Variants in ASIC2 observed in about 807,000 individuals in gnomAD.
ASIC2 encodes acid sensing ion channel subunit 2.
In ASIC2, 25 loss-of-function variants were observed where a neutral mutation model predicts 57.3. The ratio of observed to expected loss-of-function variants is 0.44; its 90% confidence interval spans 0.32 to 0.61. The LOEUF is 0.61. ASIC2 is among the 20% of genes least tolerant of loss of function. ASIC2 has a pLI of 0.06. For synonymous variants in ASIC2, 319 were observed against 307.5 expected (o/e 1.04, Z -0.39); for missense variants, 641 against 738.1 (o/e 0.87, Z 1.52).
chr17:33,371,400 A>G (rs1042192738), intron 1 of ASIC2, among the ~76,000 whole-genome samples: 1 of 152,244 alleles, frequency 6.6e-6, no homozygotes, highest in African/African-American at 2.4e-5. Flanking sequence ...TGCTGAAAGC[A>G]AGAGGCTCAC....
rs145908389 is a variant in ASIC2 at position 34,110,332 on chromosome 17, G to A, written c.555+45646C>T. On this transcript the variant is annotated intron_variant, in intron 1 of 9. Transcript: ENST00000359872. ...CCAGATTAGGATAGGGAGCCAGGGC[G>A]CTGGCCTAATTCCTAACCAGGAACA... Among the ~76,000 whole-genome samples the A allele has an allele frequency of 2.2e-3, 338 of 152,276 alleles. 1 individual carries two copies. The highest frequency in any genetic ancestry group is 7.9e-3 in the African/African-American group (327 of 41,548).
rs911956264 is a variant in ASIC2, at chr17:33,515,345, C to T, written c.556-403278G>A. Reference sequence around the variant, plus strand: ...CTTCCTATGGGGCGCTCAGGTGGGCCTCAGAAGTAGACCCTGAGGCAGCCA... The same window carrying T: ...CTTCCTATGGGGCGCTCAGGTGGGCTTCAGAAGTAGACCCTGAGGCAGCCA... On this transcript the variant is annotated intron_variant, in intron 1 of 9. Transcript: ENST00000359872. 2.6e-5 allele frequency among the ~76,000 whole-genome samples: 4 copies of T among 152,156 alleles called. No individual in the cohort carries two copies. The South Asian group carries it at 8.3e-4, about 32-fold the overall frequency.
intron 1 of ASIC2, among the ~76,000 whole-genome samples, chr17:34,085,720 G>A (rs982803035): frequency 3.9e-5 from 6 of 152,076 alleles, no homozygotes; most frequent in African/African-American, 1.4e-4. Context: ...TTCAGCTCCT[G>A]TTATTGGTCT....
intron 1 of ASIC2, chr17:33,533,908 A>G (rs1363752466): frequency 6.6e-6 from 1 of 152,308 alleles, no homozygotes; most frequent in East Asian, 1.9e-4. Context: ...CTGCACCTCA[A>G]TGTTTCTCTG....
At chr17:33,994,247 G>T (rs1906086666) in intron 1 of ASIC2, among the ~76,000 whole-genome samples, 1 of 152,138 alleles carries the variant, frequency 6.6e-6, no homozygotes, top group South Asian at 2.1e-4. Context: ...AAGGACTATG[G>T]GTAAGTTTCC....
intron 1 of ASIC2, among the ~76,000 whole-genome samples, chr17:33,706,340 C>T (rs1016932698): frequency 2.0e-5 from 3 of 151,846 alleles, no homozygotes; most frequent in Non-Finnish European, 4.4e-5. Flanking sequence ...CCACCTCAGC[C>T]TCCCCAGTAG....
intron 1 of ASIC2, among the ~76,000 whole-genome samples, chr17:33,961,171 G>C (rs112486166): frequency 6.6e-6 from 1 of 152,162 alleles, no homozygotes; most frequent in Non-Finnish European, 1.5e-5. Flanking sequence ...TAATTTGACC[G>C]GCTTTGACCA....
intron 3 of ASIC2, among the ~76,000 whole-genome samples, chr17:33,033,882 A>T (rs200979347): frequency 6.6e-6 from 1 of 152,212 alleles, no homozygotes; most frequent in Non-Finnish European, 1.5e-5. Flanking sequence ...GGGCTCAGCC[A>T]GAGCAGAACA....
chr17:33,821,295 CGAG>C (rs1567725101), intron 1 of ASIC2, among the ~76,000 whole-genome samples: 3 of 152,176 alleles, frequency 2.0e-5, no homozygotes, highest in African/African-American at 7.2e-5. Flanking sequence ...ACTGCAGAGA[CGAG>C]GAGTTCTCCA....
chr17:33,952,209 T>A (rs1460104705), intron 1 of ASIC2, among the ~76,000 whole-genome samples: 1 of 152,044 alleles, frequency 6.6e-6, no homozygotes, highest in Non-Finnish European at 1.5e-5. Context: ...TGAATACTGG[T>A]GCTCATTCTA....
chr17:33,985,544 G>C (rs924960657), intron 1 of ASIC2, among the ~76,000 whole-genome samples: 10 of 152,192 alleles, frequency 6.6e-5, no homozygotes, highest in African/African-American at 2.4e-4. Flanking sequence ...GAAAAGAAAA[G>C]ATTCCAGAGG....
chr17:33,583,210 A>G (rs1365945896), intron 1 of ASIC2, among the ~76,000 whole-genome samples: 1 of 152,192 alleles, frequency 6.6e-6, no homozygotes, highest in Non-Finnish European at 1.5e-5. Flanking sequence ...AATGCCATAA[A>G]CCCATAAACC....
chr17:33,690,083 A>G (rs1238692442), intron 1 of ASIC2, among the ~76,000 whole-genome samples: 1 of 152,224 alleles, frequency 6.6e-6, no homozygotes, highest in East Asian at 1.9e-4. Flanking sequence ...AAATAGAGGT[A>G]TATATATTTT....
chr17:33,515,957 C>T (rs1480291460), intron 1 of ASIC2, among the ~76,000 whole-genome samples: 28 of 151,976 alleles, frequency 1.8e-4, no homozygotes, highest in Admixed American at 1.4e-3. Context: ...ATTAGCTGGG[C>T]GTGGTGGTGT....
chr17:33,967,678 C>T (rs1180296862), intron 1 of ASIC2, among the ~76,000 whole-genome samples: 3 of 152,214 alleles, frequency 2.0e-5, no homozygotes, highest in African/African-American at 4.8e-5. Context: ...CTCTAATATA[C>T]GCCATAGCAA....
chr17:33,319,393 A>T (rs1178115943), intron 1 of ASIC2, among the ~76,000 whole-genome samples: 1 of 152,230 alleles, frequency 6.6e-6, no homozygotes, highest in East Asian at 1.9e-4. Flanking sequence ...TCTGAGAAGG[A>T]CCAGCTGATG....
chr17:33,240,086 C>T (rs535727542), intron 1 of ASIC2, among the ~76,000 whole-genome samples: 1 of 152,294 alleles, frequency 6.6e-6, no homozygotes, highest in Non-Finnish European at 1.5e-5. Flanking sequence ...GTCTTCAACC[C>T]AGGAGCCAAA....
At chr17:33,332,161 A>G (rs1907339942) in intron 1 of ASIC2, among the ~76,000 whole-genome samples, 1 of 152,208 alleles carries the variant, frequency 6.6e-6, no homozygotes, top group Admixed American at 6.5e-5. Context: ...CGTGTTATGA[A>G]GATTACCTTG....
At chr17:33,506,114 G>A (rs181680702) in intron 1 of ASIC2, among the ~76,000 whole-genome samples, 17 of 152,148 alleles carry the variant, frequency 1.1e-4, no homozygotes, top group Non-Finnish European at 1.6e-4. Context: ...GGCTGGACAG[G>A]CTGGGTGTGG....
Sources: allele counts gnomAD v4.1 joint callset (sites outside exome capture counted in the v4.1 genomes callset), GRCh38; gene constraint gnomAD v4.1.1; transcripts MANE v1.5; gene names NCBI Gene and HGNC (gene_info 2026-07-23, HGNC 2026-07-21).